The following GTF3C2 variants were observed in gnomAD, a reference collection of about 807,000 sequenced individuals.
GTF3C2 encodes general transcription factor IIIC subunit 2, also known as general transcription factor 3C polypeptide 2.
In GTF3C2, 17 loss-of-function variants were observed where a neutral mutation model predicts 117.4. The ratio of observed to expected loss-of-function variants is 0.14; its 90% CI spans 0.10 to 0.22. The LOEUF (loss-of-function observed/expected upper bound fraction) is 0.22. GTF3C2 is among the 10% of genes least tolerant of loss of function. GTF3C2 has a pLI of 1.00. For synonymous variants in GTF3C2, 437 were observed against 427.0 expected (o/e 1.02, Z -0.29); for missense variants, 888 against 1,143.6 (o/e 0.78, Z 3.22).
At chr2:27,349,625 T>C (rs184416692) in intron 1 of GTF3C2, among the ~76,000 whole-genome samples, 1 of 151,560 alleles carries the variant, frequency 6.6e-6, no homozygotes, top group Admixed American at 6.6e-5. Flanking sequence ...AAACATTAAA[T>C]AGGAATAAAG....
At chr2:27,336,775 A>T (rs1400757356) in intron 7 of GTF3C2, 3 of 241,066 alleles carry the variant, frequency 1.2e-5, no homozygotes, top group Non-Finnish European at 2.4e-5. Flanking sequence ...TACCCCACTA[A>T]TTTTTAAATT....
In GTF3C2 at chr2:27,330,704, T is replaced by A. The variant is rs1017173028; in HGVS notation, c.1733-1181A>T. On this transcript the variant is annotated intron_variant, in intron 12 of 18. Coordinates refer to ENST00000264720, the Ensembl canonical transcript of GTF3C2. ...GGCCAGGCACGATGGCTCATGCCTG[T>A]AATCTCAGCACTTTAGGAGGCCAGG... Among the ~76,000 whole-genome samples the A allele has an allele frequency of 2.6e-5, 4 of 152,246 alleles. No individual in the cohort carries two copies. The East Asian group carries it at 7.7e-4, about 29-fold the overall frequency.
At chr2:27,333,080 A>G (rs1680334662) in intron 12 of GTF3C2, among the ~76,000 whole-genome samples, 1 of 151,650 alleles carries the variant, frequency 6.6e-6, no homozygotes, top group Admixed American at 6.6e-5. Flanking sequence ...TCCCAGCCTC[A>G]AGTGATTCCC....
chr2:27,352,525 T>C (rs1364360726), intron 1 of GTF3C2, among the ~76,000 whole-genome samples: 1 of 152,216 alleles, frequency 6.6e-6, no homozygotes, highest in Non-Finnish European at 1.5e-5. Context: ...AGTTTATCCA[T>C]TTCTTTTCTA....
chr2:27,335,783 A>G lies in GTF3C2; in HGVS notation c.1468-77T>C. On this transcript the variant is annotated intron_variant, in intron 9 of 18. Transcript: ENST00000264720. The stretch of plus-strand genomic sequence containing the variant: ...AAACCTTTGAGGTTCTAGTCCCTGA[A>G]ATACTGTATGAAGTTGCTGGAAAAA... 10 of 1,123,174 alleles carry G rather than the reference A, an allele frequency of 8.9e-6. No individual in the cohort carries two copies. In the South Asian group the frequency reaches 1.1e-4, roughly 12 times the overall value. The allele number at this position is 1,123,174 out of a possible 1,614,324, so 69.6% of individuals were successfully genotyped here.
intron 10 of GTF3C2, 145 bp downstream of exon 10, chr2:27,335,453 A>G: frequency 1.4e-6 from 1 of 715,132 alleles, no homozygotes. Flanking sequence ...AACAAACCTG[A>G]GTCACAATGC....
chr2:27,338,556 G>T (rs1377442449), intron 4 of GTF3C2, among the ~76,000 whole-genome samples: 1 of 151,926 alleles, frequency 6.6e-6, no homozygotes, highest in African/African-American at 2.4e-5. Flanking sequence ...TTTGAGATAG[G>T]GTCTCACTCT....
chr2:27,328,729 GT>G, intron 15 of GTF3C2, 114 bp downstream of exon 15: 1 of 1,054,274 alleles, frequency 9.5e-7, no homozygotes, highest in South Asian at 1.4e-5. Flanking sequence ...TGATGATAGA[GT>G]TACAACATCC....
exon 19 of GTF3C2, chr2:27,326,834 C>T (rs1680090991): frequency 1.9e-6 from 3 of 1,613,932 alleles, no homozygotes; most frequent in African/African-American, 1.3e-5. Context: ...TTCGAACCAG[C>T]CCTGACTGCC....
At chr2:27,353,619 A>C (rs1681219136) in intron 1 of GTF3C2, among the ~76,000 whole-genome samples, 1 of 152,112 alleles carries the variant, frequency 6.6e-6, no homozygotes, top group Non-Finnish European at 1.5e-5. Context: ...TTGTACTTTT[A>C]GTAGAGATGG....
intron 1 of GTF3C2, among the ~76,000 whole-genome samples, chr2:27,343,865 G>A (rs1200071556): frequency 6.6e-6 from 1 of 151,734 alleles, no homozygotes; most frequent in Non-Finnish European, 1.5e-5. Context: ...GGGCAACACA[G>A]CAAGACCCCT....
At chr2:27,344,249 C>G (rs548928307) in intron 1 of GTF3C2, among the ~76,000 whole-genome samples, 42 of 152,154 alleles carry the variant, frequency 2.8e-4, no homozygotes, top group African/African-American at 1.0e-3. Context: ...GTCTCAAACT[C>G]CTGACTTCAG....
rs144256545 is a variant in GTF3C2 at position 27,346,330 on chromosome 2, CTTTTTTTTTTTTTTTT to C, written c.-24-2768_-24-2753del. Among the ~76,000 whole-genome samples the C allele has an allele frequency of 4.1e-3, 265 of 64,342 alleles. 2 individuals carry two copies. The highest frequency in any genetic ancestry group is 0.013 in the African/African-American group (225 of 16,802). 42.2% of individuals were successfully genotyped at this position (64,342 alleles called of 152,430 possible). A position where few individuals can be genotyped will look rare whatever the true frequency, so the allele number is the denominator to read the frequency against. Reference sequence around the variant, plus strand: ...TTAGCCACCGTGCCCATTCTGATACCTTTTTTTTTTTTTTTTTTTTTTTTTTTTTTTTTTTTTTTGA... The same window carrying C: ...TTAGCCACCGTGCCCATTCTGATACCTTTTTTTTTTTTTTTTTTTTTTTGA... On this transcript the variant is annotated intron_variant, in intron 1 of 18. Transcript: ENST00000264720.
chr2:27,329,049 A>C lies in GTF3C2; in HGVS notation c.2039+72T>G, dbSNP rs900631873. On this transcript the variant is annotated intron_variant, in intron 14 of 18. Transcript: ENST00000264720. The surrounding 1 kb of genome is among the most constrained non-coding windows in gnomAD (Gnocchi z 4.5). ...CAACTCTCTACCCTCCTCTCCCCAC[A>C]ACAATCTGGCATGCTTTGCATTCCA... 8.3e-5 allele frequency: 129 copies of C among 1,551,434 alleles called. No homozygotes were observed. The highest frequency in any genetic ancestry group is 1.9e-4 in the Middle Eastern group (1 of 5,324).
intron 18 of GTF3C2, 85 bp from the exon 19 acceptor site, chr2:27,326,978 ATG>A: frequency 1.3e-6 from 1 of 779,664 alleles, no homozygotes; most frequent in Non-Finnish European, 2.1e-6. Flanking sequence ...AAAAAAAAAA[ATG>A]AGCCACAATC....
At chr2:27,330,331 G>A (rs754995292) in intron 12 of GTF3C2, among the ~76,000 whole-genome samples, 9 of 151,746 alleles carry the variant, frequency 5.9e-5, no homozygotes, top group Middle Eastern at 3.4e-3. Flanking sequence ...GTGTGGTGGT[G>A]TACACCTGTA....
At chr2:27,338,121 C>T (rs2148287335) in intron 4 of GTF3C2, 101 bp from the exon 5 acceptor site, 1 of 773,224 alleles carries the variant, frequency 1.3e-6, no homozygotes, top group South Asian at 1.4e-5. Flanking sequence ...TTGGCAATAC[C>T]TCCCCCTCCA....
At chr2:27,337,434 C>T (rs1385928002) in intron 6 of GTF3C2, 47 bp downstream of exon 6, 1 of 1,473,390 alleles carries the variant, frequency 6.8e-7, no homozygotes, top group South Asian at 1.1e-5. Flanking sequence ...CTTTCGTCTC[C>T]AGTGGTGTCA....
chr2:27,333,123 T>C (rs371201438), intron 12 of GTF3C2, among the ~76,000 whole-genome samples: 3 of 151,332 alleles, frequency 2.0e-5, no homozygotes, highest in East Asian at 1.9e-4. Flanking sequence ...ACTGGAATTA[T>C]AGGCATGAGC....
Sources: allele counts gnomAD v4.1 joint callset (sites outside exome capture counted in the v4.1 genomes callset), GRCh38; gene constraint gnomAD v4.1.1; non-coding constraint Gnocchi (gnomAD v3.1); transcripts MANE v1.5; gene names NCBI Gene and HGNC (gene_info 2026-07-23, HGNC 2026-07-21).